Variants in TMEM132D observed in about 807,000 individuals in gnomAD.
TMEM132D encodes transmembrane protein 132D.
TMEM132D carries 21 observed loss-of-function variants against 62.3 expected under a neutral mutation model. The observed-to-expected ratio is 0.34, with a 90% CI of 0.24 to 0.49. The LOEUF (loss-of-function observed/expected upper bound fraction) is 0.49, where lower values mean the gene tolerates loss of function less well. Among genes scored for constraint, TMEM132D ranks in the 20% least tolerant of loss-of-function variants. The probability of loss-of-function intolerance (pLI) is 0.99; values close to 1 mark genes in which losing one functional copy is unlikely to be tolerated. For missense variants in TMEM132D, 1,346 were observed against 1,402.8 expected (o/e 0.96, Z 0.65); for synonymous variants, 621 against 575.6 (o/e 1.08, Z -1.13).
intron 2 of TMEM132D, among the ~76,000 whole-genome samples, chr12:129,680,974 C>A (rs891941318): frequency 2.6e-5 from 4 of 152,174 alleles, no homozygotes; most frequent in Non-Finnish European, 5.9e-5. Flanking sequence ...TATCCTGACT[C>A]CACCCCTTTT....
At chr12:129,750,023 A>T (rs144541595) in intron 1 of TMEM132D, among the ~76,000 whole-genome samples, 10 of 152,322 alleles carry the variant, frequency 6.6e-5, no homozygotes, top group Admixed American at 4.6e-4. Context: ...TCCTGGATAG[A>T]AAGCATTCAG....
chr12:129,784,945 T>C (rs1270669160), intron 1 of TMEM132D, among the ~76,000 whole-genome samples: 5 of 152,178 alleles, frequency 3.3e-5, no homozygotes, highest in East Asian at 1.9e-4. Flanking sequence ...GCACCAGCAA[T>C]GGCAAACAAA....
chr12:129,361,967 C>G (rs371334590), intron 3 of TMEM132D, among the ~76,000 whole-genome samples: 3 of 152,146 alleles, frequency 2.0e-5, no homozygotes, highest in African/African-American at 7.2e-5. Flanking sequence ...CAAAATCAAT[C>G]AAAATTGAAG....
intron 4 of TMEM132D, among the ~76,000 whole-genome samples, chr12:129,321,715 C>T (rs564435263): frequency 2.0e-4 from 30 of 152,100 alleles, no homozygotes; most frequent in Middle Eastern, 3.4e-3. Flanking sequence ...CCCGCCACCA[C>T]GCCCAGCTAA....
intron 2 of TMEM132D, among the ~76,000 whole-genome samples, chr12:129,672,221 T>C (rs1303692365): frequency 6.6e-6 from 1 of 152,212 alleles, no homozygotes; most frequent in Non-Finnish European, 1.5e-5. Flanking sequence ...CAGGTACATG[T>C]AGCCACGTGA....
At chr12:129,883,329 A>G (rs1251272231) in intron 1 of TMEM132D, among the ~76,000 whole-genome samples, 1 of 152,238 alleles carries the variant, frequency 6.6e-6, no homozygotes, top group African/African-American at 2.4e-5. Flanking sequence ...AACTACGTGC[A>G]GCATCTGTAG....
At chr12:129,141,144 T>C (rs1876730904) in intron 5 of TMEM132D, among the ~76,000 whole-genome samples, 1 of 152,238 alleles carries the variant, frequency 6.6e-6, no homozygotes, top group South Asian at 2.1e-4. Context: ...GAACTCAACA[T>C]TGGCATTGCT....
intron 3 of TMEM132D, among the ~76,000 whole-genome samples, chr12:129,474,848 G>A (rs1424120728): frequency 6.6e-6 from 1 of 152,158 alleles, no homozygotes; most frequent in African/African-American, 2.4e-5. Flanking sequence ...GAGGATGACA[G>A]CATATTCTAC....
chr12:129,478,021 G>A (rs1431911920), intron 3 of TMEM132D, among the ~76,000 whole-genome samples: 2 of 152,082 alleles, frequency 1.3e-5, no homozygotes, highest in Non-Finnish European at 2.9e-5. Flanking sequence ...CTAGCCTATG[G>A]CTCCTGGGCT....
At chr12:129,101,351 A>G (rs1277919323) in intron 5 of TMEM132D, among the ~76,000 whole-genome samples, 3 of 152,248 alleles carry the variant, frequency 2.0e-5, no homozygotes, top group East Asian at 3.8e-4. Context: ...CACTGAATGC[A>G]GAGCTGGGAA....
intron 2 of TMEM132D, among the ~76,000 whole-genome samples, chr12:129,623,850 T>C (rs2137161687): frequency 6.6e-6 from 1 of 152,102 alleles, no homozygotes; most frequent in Admixed American, 6.6e-5. Flanking sequence ...ATCTTGGCAA[T>C]TGTGAATTGT....
intron 3 of TMEM132D, among the ~76,000 whole-genome samples, chr12:129,437,276 A>G (rs147231156): frequency 6.6e-6 from 1 of 152,214 alleles, no homozygotes; most frequent in Admixed American, 6.5e-5. Flanking sequence ...GGAATAACAG[A>G]GCCTCCCCAC....
Position 129,882,621 on chromosome 12 carries a change from A to G in TMEM132D, c.79+20640T>C, listed in dbSNP as rs182405995. On this transcript the variant is annotated intron_variant, in intron 1 of 8. Transcript: ENST00000422113. ...CATTAAATGCTCCCAACACACAAAAAATCATAAACATGTGAGATGATAAAT... is the reference window on the plus strand; with the variant it reads ...CATTAAATGCTCCCAACACACAAAAGATCATAAACATGTGAGATGATAAAT... Among the ~76,000 whole-genome samples the G allele has an allele frequency of 4.8e-4, 73 of 152,302 alleles. 1 individual carries two copies. Among genetic ancestry groups the G allele is most frequent in the Admixed American group, 1.0e-3 (16 of 15,296 alleles).
chr12:129,836,734 G>T (rs2137339642), intron 1 of TMEM132D, among the ~76,000 whole-genome samples: 1 of 152,064 alleles, frequency 6.6e-6, no homozygotes, highest in East Asian at 1.9e-4. Context: ...ACCATAAAAA[G>T]AGATGAATTA....
chr12:129,881,775 TA>T (rs1471728840), intron 1 of TMEM132D, among the ~76,000 whole-genome samples: 1 of 151,280 alleles, frequency 6.6e-6, no homozygotes, highest in Non-Finnish European at 1.5e-5. Context: ...AAAGAAAAAA[TA>T]GTATTAGAGC....
intron 3 of TMEM132D, among the ~76,000 whole-genome samples, chr12:129,474,901 A>C (rs1398909528): frequency 2.6e-5 from 4 of 152,190 alleles, no homozygotes; most frequent in Non-Finnish European, 4.4e-5. Context: ...TGAGTCCTGG[A>C]TGCACAGAAG....
intron 5 of TMEM132D, among the ~76,000 whole-genome samples, chr12:129,133,020 T>A (rs1041783552): frequency 1.3e-5 from 2 of 152,140 alleles, no homozygotes; most frequent in African/African-American, 4.8e-5. Flanking sequence ...GCTGCCTGAG[T>A]GTGCCTCCTC....
At chr12:129,603,458 TC>T (rs1286148445) in intron 2 of TMEM132D, among the ~76,000 whole-genome samples, 1 of 152,204 alleles carries the variant, frequency 6.6e-6, no homozygotes, top group Non-Finnish European at 1.5e-5. Flanking sequence ...TAAGTTTTCC[TC>T]CATGTCTTTT....
At chr12:129,623,485 A>C (rs1358537163) in intron 2 of TMEM132D, among the ~76,000 whole-genome samples, 1 of 151,944 alleles carries the variant, frequency 6.6e-6, no homozygotes, top group East Asian at 1.9e-4. Context: ...ATGACTTTGC[A>C]TACCCATAAC....
Sources: allele counts gnomAD v4.1 joint callset (sites outside exome capture counted in the v4.1 genomes callset), GRCh38; gene constraint gnomAD v4.1.1; transcripts MANE v1.5; gene names NCBI Gene and HGNC (gene_info 2026-07-23, HGNC 2026-07-21).